IRS1: variants seen among roughly 807,000 people sequenced by gnomAD.
IRS1 encodes the protein insulin receptor substrate 1.
IRS1 carries 34 observed loss-of-function variants against 65.6 expected under a neutral mutation model. The observed-to-expected ratio is 0.52, with a 90% CI of 0.39 to 0.69. IRS1 has a LOEUF of 0.69. Ranked by LOEUF, IRS1 falls within the 30% of genes least tolerant of loss-of-function variation. IRS1 has a pLI of 0.00. For missense variants in IRS1, 1,641 were observed against 1,720.2 expected (o/e 0.95, Z 0.81); for synonymous variants, 699 against 683.5 (o/e 1.02, Z -0.35).
rs111395310 is a variant in IRS1 at position 226,762,567 on chromosome 2, T to G, written c.*22-26317A>C. ...AGTCTCTACCCCAACAACTCAACTCTGCCATTGTAGCTCAAAAGCAGCCAG... is the reference window on the plus strand; with the variant it reads ...AGTCTCTACCCCAACAACTCAACTCGGCCATTGTAGCTCAAAAGCAGCCAG... On this transcript the variant is annotated intron_variant, in intron 1 of 1. Transcript: ENST00000305123. Among the ~76,000 whole-genome samples, 1,042 of 152,296 alleles carry G rather than the reference T, an allele frequency of 6.8e-3. 12 individuals carry two copies. The highest frequency in any genetic ancestry group is 0.024 in the Middle Eastern group (7 of 294).
At chr2:226,767,706 A>AG in intron 1 of IRS1, among the ~76,000 whole-genome samples, 1 of 152,334 alleles carries the variant, frequency 6.6e-6, no homozygotes, top group East Asian at 1.9e-4. Flanking sequence ...AGACTAAAAA[A>AG]GAAACCTTTT....
rs1467410964 is a variant in IRS1 at position 226,732,625 on chromosome 2, ACAC to A, written c.*3644_*3646del. 6.6e-6 allele frequency: 1 copy of A among 150,778 alleles called. No homozygotes were observed. The highest frequency in any genetic ancestry group is 1.5e-5 in the Non-Finnish European group (1 of 67,784). 9.3% of individuals were successfully genotyped at this position (150,778 alleles called of 1,614,324 possible). A position where few individuals can be genotyped will look rare whatever the true frequency, so the allele number is the denominator to read the frequency against. ...ATATATACACACACACATCCCACAC[ACAC>A]GTCACATATATATACACACACACAA... On this transcript the variant is annotated 3_prime_UTR_variant, in exon 2 of 2. Coordinates refer to ENST00000305123, the MANE Select transcript of IRS1 (RefSeq NM_005544.3).
At chr2:226,754,526 A>G (rs1938756186) in intron 1 of IRS1, among the ~76,000 whole-genome samples, 1 of 152,252 alleles carries the variant, frequency 6.6e-6, no homozygotes, top group Non-Finnish European at 1.5e-5. Context: ...TTTAGAAAAG[A>G]TGAGTAAATA....
Position 226,798,802 on chromosome 2 carries a change from G to T in IRS1, c.-64C>A. ...TCCGAAAAACAACCGGGTGGGGGGC[G>T]GAGGCTCCTCGCCGCGGCCCGGCAC... On this transcript the variant is annotated 5_prime_UTR_variant, in exon 1 of 2. Coordinates refer to ENST00000305123, the MANE Select transcript of IRS1 (RefSeq NM_005544.3). The surrounding 1 kb of genome is among the most constrained non-coding windows in gnomAD (Gnocchi z 9.4). The T allele has an allele frequency of 6.4e-7, 1 of 1,563,430 alleles. No homozygotes were observed. Among genetic ancestry groups the T allele is most frequent in the Non-Finnish European group, 8.7e-7 (1 of 1,155,166 alleles).
intron 1 of IRS1, among the ~76,000 whole-genome samples, chr2:226,778,116 T>C (rs1328861510): frequency 6.6e-6 from 1 of 152,210 alleles, no homozygotes; most frequent in Non-Finnish European, 1.5e-5. Context: ...CCATTTATTC[T>C]TCTGCATATT....
At position 226,798,051 on chromosome 2, in the gene IRS1, C is replaced by T; in HGVS notation, c.688G>A (p.Val230Met). The T allele has an allele frequency of 6.2e-7, 1 of 1,614,106 alleles. No individual in the cohort carries two copies. Among genetic ancestry groups the T allele is most frequent in the Non-Finnish European group, 8.5e-7 (1 of 1,180,020 alleles). ...ATCCAGAACTCCCCGGGCCCCGTCA[C>T]GGCAGAACGGCCCACCTCGATGAAG... Reference protein sequence around the residue: ...FFFIEVGRSAVTGPGEFWMQV... With the variant: ...FFFIEVGRSAMTGPGEFWMQV... The change falls in exon 1 of 2, where the codon GTG becomes ATG. Residue 230 changes from valine to methionine, a missense_variant. This residue lies in a region of IRS1 where 77 missense variants were observed against 129.6 expected (regional missense o/e 0.59). Transcript: ENST00000305123. This position sits in a 1 kb window ranked among gnomAD's most constrained non-coding sequence, Gnocchi z 9.4.
Position 226,795,918 on chromosome 2 carries a change from A to C in IRS1, c.2821T>G (p.Tyr941Asp). ...CCCGGCCCCAGGTCCATCTTCATGT[A>C]CTCCTCAGTGCCAGTCTCTTCCTCT... ...PREEETGTEE[Y>D]MKMDLGPGRR... The change falls in exon 1 of 2, where the codon TAC becomes GAC. Residue 941 changes from tyrosine (Y) to aspartate (D), a missense_variant. Coordinates refer to ENST00000305123, the MANE Select transcript of IRS1 (RefSeq NM_005544.3). 1 of 1,613,562 alleles carries C rather than the reference A, an allele frequency of 6.2e-7. No individual in the cohort carries two copies. The highest frequency in any genetic ancestry group is 1.1e-5 in the South Asian group (1 of 91,052).
Position 226,797,494 on chromosome 2 carries a change from C to G in IRS1, c.1245G>C (p.Ser415=), listed in dbSNP as rs759117890. ...DCLFPRRSSA[S]VSGSPSDGGF... ...CGCCATCGCTGGGGGAACCAGACAC[C>G]GAAGCACTAGATCGCCGTGGGAAGA... The change falls in exon 1 of 2, where the codon TCG becomes TCC. Residue 415 remains serine, a synonymous_variant. Transcript: ENST00000305123. This position sits in a 1 kb window ranked among gnomAD's most constrained non-coding sequence, Gnocchi z 8.1. The G allele has an allele frequency of 6.2e-7, 1 of 1,613,520 alleles. No homozygotes were observed. The highest frequency in any genetic ancestry group is 1.7e-5 in the Admixed American group (1 of 60,006).
At chr2:226,737,891 A>G (rs1039174099) in intron 1 of IRS1, among the ~76,000 whole-genome samples, 2 of 152,196 alleles carry the variant, frequency 1.3e-5, no homozygotes, top group African/African-American at 4.8e-5. Flanking sequence ...AATAGGAGTT[A>G]AATAAATGAA....
intron 1 of IRS1, among the ~76,000 whole-genome samples, chr2:226,784,707 G>T (rs1939455519): frequency 6.6e-6 from 1 of 152,208 alleles, no homozygotes; most frequent in Non-Finnish European, 1.5e-5. Context: ...ACAGGCATGA[G>T]CCACCATGCC....
intron 1 of IRS1, among the ~76,000 whole-genome samples, chr2:226,786,936 C>G (rs1939500069): frequency 6.6e-6 from 1 of 151,920 alleles, no homozygotes; most frequent in Non-Finnish European, 1.5e-5. Context: ...AACCACAGTT[C>G]AAAGTGTTGG....
In IRS1 at chr2:226,798,834, A is replaced by T. The variant is rs1164640130; in HGVS notation, c.-96T>A. 6.5e-7 allele frequency: 1 copy of T among 1,547,550 alleles called. No homozygotes were observed. Among genetic ancestry groups the T allele is most frequent in the Admixed American group, 2.0e-5 (1 of 51,018 alleles). The stretch of plus-strand genomic sequence containing the variant: ...CCTCGCCGCGGCCCGGCACATGCAA[A>T]CAGGGCTGGAGGCAGCAGAAACCCC... On this transcript the variant is annotated 5_prime_UTR_variant, in exon 1 of 2. Coordinates refer to ENST00000305123, the MANE Select transcript of IRS1 (RefSeq NM_005544.3). The surrounding 1 kb of genome is among the most constrained non-coding windows in gnomAD (Gnocchi z 9.4).
intron 1 of IRS1, among the ~76,000 whole-genome samples, chr2:226,773,603 G>A (rs1939203291): frequency 1.3e-5 from 2 of 151,584 alleles, no homozygotes; most frequent in Admixed American, 6.6e-5. Flanking sequence ...GAATGGGACT[G>A]TATAACTTGT....
chr2:226,793,328 G>C (rs531618989), intron 1 of IRS1, among the ~76,000 whole-genome samples: 1 of 152,210 alleles, frequency 6.6e-6, no homozygotes, highest in Non-Finnish European at 1.5e-5. Context: ...TTACCAATGA[G>C]GCACTTTATA....
intron 1 of IRS1, among the ~76,000 whole-genome samples, chr2:226,770,241 CAT>C (rs777446893): frequency 9.2e-5 from 14 of 152,328 alleles, no homozygotes; most frequent in East Asian, 1.9e-4. Context: ...TCCCCTCAAA[CAT>C]GTGTGAATTG....
chr2:226,797,179 C>G lies in IRS1; in HGVS notation c.1560G>C (p.Arg520=). 1 of 1,613,966 alleles carries G rather than the reference C, an allele frequency of 6.2e-7. No individual in the cohort carries two copies. The highest frequency in any genetic ancestry group is 8.5e-7 in the Non-Finnish European group (1 of 1,180,024). ...CTGCCGAGTGAGTTCTCTTTCGGAA[C>G]CGATTATCCAGATCTGCAGCACTGG... The part of the protein sequence containing the change: ...EAASAADLDN[R]FRKRTHSAGT... Residue 520 remains arginine (R), a synonymous_variant, in exon 1 of 2, where the codon CGG becomes CGC. Transcript: ENST00000305123. The surrounding 1 kb of genome is among the most constrained non-coding windows in gnomAD (Gnocchi z 8.1).
chr2:226,737,739 G>C (rs963183736), intron 1 of IRS1, among the ~76,000 whole-genome samples: 3 of 152,286 alleles, frequency 2.0e-5, no homozygotes, highest in East Asian at 3.9e-4. Flanking sequence ...GGTGTAAGGG[G>C]AGCATCTCAC....
intron 1 of IRS1, among the ~76,000 whole-genome samples, chr2:226,748,095 C>T (rs1012214396): frequency 2.0e-5 from 3 of 151,098 alleles, no homozygotes; most frequent in African/African-American, 7.3e-5. Flanking sequence ...ATTCATCACG[C>T]TCATTGCCCT....
chr2:226,797,670 G>T lies in IRS1; in HGVS notation c.1069C>A (p.His357Asn). Residue 357 changes from histidine (H) to asparagine (N), a missense_variant, in exon 1 of 2, where the codon CAC (histidine) becomes AAC (asparagine). This residue lies in a region of IRS1 where 1,324 missense variants were observed against 1,361.0 expected (regional missense o/e 0.97). Transcript: ENST00000305123. This position sits in a 1 kb window ranked among gnomAD's most constrained non-coding sequence, Gnocchi z 8.1. ...VSPSTNRTHA[H>N]RHRGSARLHP... ...AGCCGGGCGCTGCCCCGATGCCGGT[G>T]GGCGTGGGTTCTGTTGGTGCTGGGA... is the stretch of plus-strand genomic sequence containing the variant. 6.3e-7 allele frequency: 1 copy of T among 1,596,354 alleles called. No individual in the cohort carries two copies.
Sources: gnomAD v4.1 joint callset for allele counts (sites outside exome capture counted in the v4.1 genomes callset) on GRCh38, gnomAD v4.1.1 for gene constraint, gnomAD v4.1.1 regional missense constraint, Gnocchi (gnomAD v3.1) non-coding constraint, MANE v1.5 for transcripts, NCBI Gene and HGNC (gene_info 2026-07-23, HGNC 2026-07-21) for gene names.